FDX1: variants seen among roughly 807,000 people sequenced by gnomAD.
The protein encoded by FDX1 is adrenodoxin, mitochondrial.
A neutral mutation model predicts 14.9 loss-of-function variants in FDX1; 9 were observed. The ratio of observed to expected loss-of-function variants is 0.60; its 90% CI spans 0.36 to 1.05. FDX1 has a LOEUF of 1.05. Among genes scored for constraint, FDX1 ranks in the 50% least tolerant of loss-of-function variants. FDX1 has a pLI of 0.01. For missense variants in FDX1, 204 were observed against 237.2 expected, an observed-to-expected ratio of 0.86 and a Z score of 0.92; for synonymous variants, 92 against 99.4, an observed-to-expected ratio of 0.93 and a Z score of 0.44.
At chr11:110,431,676 G>A (rs778342574) in intron 1 of FDX1, among the ~76,000 whole-genome samples, 36 of 152,214 alleles carry the variant, frequency 2.4e-4, no homozygotes, top group Non-Finnish European at 5.0e-4. Flanking sequence ...TATTGAACAT[G>A]CTTGTGTAAC....
chr11:110,443,496 A>C (rs975956302), intron 2 of FDX1, among the ~76,000 whole-genome samples: 1 of 147,310 alleles, frequency 6.8e-6, no homozygotes, highest in Admixed American at 6.9e-5. Flanking sequence ...GCTGGAATGC[A>C]ATGGCACGAT....
intron 2 of FDX1, among the ~76,000 whole-genome samples, chr11:110,447,969 T>TA (rs1417549517): frequency 6.6e-6 from 1 of 152,226 alleles, no homozygotes; most frequent in Non-Finnish European, 1.5e-5. Flanking sequence ...AAGTAATAAG[T>TA]GAACACATGA....
chr11:110,429,824 ACCTGGAGGGTTGGTAAAGGCCC>A (rs1946315933), upstream of FDX1: 1 of 264,262 alleles, frequency 3.8e-6, no homozygotes, highest in Non-Finnish European at 7.1e-6. Flanking sequence ...TTACAACGGA[ACCTGGAGGGTTGGTAAAGGCCC>A]CCTGCGCTGG....
intron 2 of FDX1, among the ~76,000 whole-genome samples, chr11:110,444,338 G>A (rs886239034): frequency 7.9e-5 from 12 of 151,834 alleles, no homozygotes; most frequent in South Asian, 4.2e-4. Flanking sequence ...AGTGCTGTCC[G>A]GGCGCGTTGG....
At chr11:110,458,406 T>C (rs1946536077) in intron 3 of FDX1, among the ~76,000 whole-genome samples, 1 of 152,162 alleles carries the variant, frequency 6.6e-6, no homozygotes, top group African/African-American at 2.4e-5. Flanking sequence ...AAGAGTATAA[T>C]GGGTTTCACA....
At chr11:110,450,349 G>A (rs887979946) in intron 2 of FDX1, among the ~76,000 whole-genome samples, 7 of 151,920 alleles carry the variant, frequency 4.6e-5, no homozygotes, top group East Asian at 1.9e-4. Flanking sequence ...TAAGGAGGGT[G>A]CACCCTAGAT....
At chr11:110,453,083 C>T (rs904927579) in intron 2 of FDX1, among the ~76,000 whole-genome samples, 6 of 152,058 alleles carry the variant, frequency 3.9e-5, no homozygotes, top group South Asian at 2.1e-4. Context: ...ACGCCTGTAA[C>T]CTCAGCACTT....
At chr11:110,435,413 A>T (rs890680995) in intron 1 of FDX1, among the ~76,000 whole-genome samples, 1 of 152,216 alleles carries the variant, frequency 6.6e-6, no homozygotes, top group Non-Finnish European at 1.5e-5. Flanking sequence ...AACTGTGACT[A>T]TTAGGGAGAC....
At chr11:110,430,344 G>A in intron 1 of FDX1, 39 bp downstream of exon 1, 1 of 1,171,246 alleles carries the variant, frequency 8.5e-7, no homozygotes. Context: ...GCGCGGGCCG[G>A]GGTCCCCGGT....
rs1946568756 is a variant in FDX1, at chr11:110,463,402, TGAGGGAGTGGCAA to T, written c.*936_*948del. 6.6e-6 allele frequency: 1 copy of T among 151,828 alleles called. No homozygotes were observed. The highest frequency in any genetic ancestry group is 1.5e-5 in the Non-Finnish European group (1 of 67,970). 9.4% of individuals were successfully genotyped at this position (151,828 alleles called of 1,614,324 possible). On this transcript the variant is annotated 3_prime_UTR_variant, in exon 4 of 4. Transcript: ENST00000260270. ...GGCTGCAGTGTGTCAGTCCCAGGAGTGAGGGAGTGGCAAGCACCACAGATTACCACGTATGTGT... is the reference window on the plus strand; with the variant it reads ...GGCTGCAGTGTGTCAGTCCCAGGAGTGCACCACAGATTACCACGTATGTGT...
intron 2 of FDX1, among the ~76,000 whole-genome samples, chr11:110,445,855 A>G (rs1946446609): frequency 6.6e-6 from 1 of 152,224 alleles, no homozygotes; most frequent in South Asian, 2.1e-4. Context: ...AATATTGTTA[A>G]CATAGGTATT....
chr11:110,454,250 A>G (rs1372051458), intron 2 of FDX1, among the ~76,000 whole-genome samples: 1 of 152,226 alleles, frequency 6.6e-6, no homozygotes, highest in Admixed American at 6.5e-5. Context: ...AAATAAGAGA[A>G]TAGAATAATA....
chr11:110,430,045 GC>G lies in FDX1; in HGVS notation c.-71del. 5 of 1,080,230 alleles carry G rather than the reference GC, an allele frequency of 4.6e-6. No individual in the cohort carries two copies. The highest frequency in any genetic ancestry group is 9.3e-5 in the South Asian group (2 of 21,404). The allele number at this position is 1,080,230 out of a possible 1,614,324, so 66.9% of individuals were successfully genotyped here. On this transcript the variant is annotated 5_prime_UTR_variant, in exon 1 of 4. Coordinates refer to ENST00000260270, the MANE Select transcript of FDX1 (RefSeq NM_004109.5). The stretch of plus-strand genomic sequence containing the variant: ...CTCGGGCGTCTGCGCCGCAGCTGCC[GC>G]CCCCGCCTCTTTGGAGTCTCTCGCG...
chr11:110,438,535 C>G (rs931576988), intron 2 of FDX1, among the ~76,000 whole-genome samples: 1 of 152,148 alleles, frequency 6.6e-6, no homozygotes, highest in African/African-American at 2.4e-5. Flanking sequence ...AAGCGATTCT[C>G]CTGCCTCAGT....
chr11:110,444,648 G>A (rs924578932), intron 2 of FDX1, among the ~76,000 whole-genome samples: 22 of 68,286 alleles, frequency 3.2e-4, no homozygotes, highest in African/African-American at 1.6e-3. Context: ...GTGTGTGTGT[G>A]TGTATATATA....
intron 2 of FDX1, among the ~76,000 whole-genome samples, chr11:110,444,650 G>GTA (rs1225899200): frequency 0.031 from 1,654 of 53,058 alleles, 57 homozygotes; most frequent in East Asian, 0.065. Context: ...GTGTGTGTGT[G>GTA]TATATATATA....
intron 2 of FDX1, among the ~76,000 whole-genome samples, chr11:110,436,847 T>A (rs1197240557): frequency 3.3e-5 from 5 of 152,172 alleles, no homozygotes; most frequent in African/African-American, 4.8e-5. Context: ...TCTTTGTTAA[T>A]GCTTATAACA....
intron 2 of FDX1, among the ~76,000 whole-genome samples, chr11:110,441,376 G>C (rs1165499344): frequency 6.6e-6 from 1 of 152,222 alleles, no homozygotes; most frequent in Non-Finnish European, 1.5e-5. Flanking sequence ...ATATGGGAAA[G>C]TTTGGAACTC....
intron 2 of FDX1, among the ~76,000 whole-genome samples, chr11:110,453,139 C>T (rs960538033): frequency 1.3e-5 from 2 of 152,116 alleles, no homozygotes; most frequent in African/African-American, 4.8e-5. Flanking sequence ...GAGTTTGAGA[C>T]CAGCCTGGAC....
Sources: allele counts gnomAD v4.1 joint callset (sites outside exome capture counted in the v4.1 genomes callset), GRCh38; gene constraint gnomAD v4.1.1; transcripts MANE v1.5; gene names NCBI Gene and HGNC (gene_info 2026-07-23, HGNC 2026-07-21).